PARG: variants seen among roughly 807,000 people sequenced by gnomAD.
PARG encodes the protein poly(ADP-ribose) glycohydrolase.
In PARG, 35 loss-of-function variants were observed where a neutral mutation model predicts 113.0. The ratio of observed to expected loss-of-function variants is 0.31; its 90% CI spans 0.24 to 0.41. PARG has a LOEUF of 0.41. Among genes scored for constraint, PARG ranks in the 10% least tolerant of loss-of-function variants. The pLI is 1.00. For missense variants in PARG, 797 were observed against 1,169.4 expected, an observed-to-expected ratio of 0.68 and a Z score of 4.64; for synonymous variants, 330 against 409.9, an observed-to-expected ratio of 0.81 and a Z score of 2.36.
chr10:49,918,372 G>A (rs1554848275), intron 6 of PARG, among the ~76,000 whole-genome samples: 2 of 152,128 alleles, frequency 1.3e-5, no homozygotes, highest in Non-Finnish European at 2.9e-5. Context: ...TTTATAATTA[G>A]CATTAAGCTT....
Position 49,933,539 on chromosome 10 carries a change from C to G in PARG, c.909G>C (p.Pro303=). 6.2e-7 allele frequency: 1 copy of G among 1,611,280 alleles called. No homozygotes were observed. Among genetic ancestry groups the G allele is most frequent in the Non-Finnish European group, 8.5e-7 (1 of 1,177,616 alleles). Residue 303 remains proline (P), a synonymous_variant, in exon 3 of 18, where the codon CCG becomes CCC. Coordinates refer to ENST00000616448, the MANE Select transcript of PARG (RefSeq NM_003631.5). ...PFEKESEPES[P]MDVDNSKNSC... The stretch of plus-strand genomic sequence containing the variant: ...TATTTTTAGAATTATCCACATCCAT[C>G]GGTGACTCGGGTTCACTTTCCTTCT...
chr10:49,842,002 C>A lies in PARG; in HGVS notation c.2489G>T (p.Arg830Ile), dbSNP rs1177193230. 2 of 1,550,280 alleles carry A rather than the reference C, an allele frequency of 1.3e-6. No individual in the cohort carries two copies. Among genetic ancestry groups the A allele is most frequent in the African/African-American group, 2.7e-5 (2 of 73,048 alleles). ...EIVAIDALHF[R>I]RYLDQFVPEK... Reference sequence around the variant, plus strand: ...AGGCACAAACTGATCGAGGTAGCGTCTGAAGTGAAGAGCATCGATGGCAAC... The same window carrying A: ...AGGCACAAACTGATCGAGGTAGCGTATGAAGTGAAGAGCATCGATGGCAAC... Residue 830 changes from arginine (R) to isoleucine (I), a missense_variant, in exon 15 of 18, where the codon AGA becomes ATA. Physicochemically the swap from Arg to Ile is moderately conservative, Grantham distance 97. Coordinates refer to ENST00000616448, the MANE Select transcript of PARG (RefSeq NM_003631.5).
intron 15 of PARG, among the ~76,000 whole-genome samples, chr10:49,837,095 T>A (rs1439558215): frequency 6.6e-6 from 1 of 152,082 alleles, no homozygotes; most frequent in Admixed American, 6.5e-5. Context: ...ACAGTATGAG[T>A]TAGATAGAAG....
At chr10:49,941,384 G>A (rs1215524740) in intron 1 of PARG, 125 bp downstream of exon 1, 7 of 834,456 alleles carry the variant, frequency 8.4e-6, no homozygotes, top group African/African-American at 6.7e-5. Context: ...AGCTCAGCAA[G>A]TGGACCTCAA....
intron 7 of PARG, among the ~76,000 whole-genome samples, chr10:49,895,032 G>T (rs1554842390): frequency 6.6e-6 from 1 of 152,070 alleles, no homozygotes; most frequent in African/African-American, 2.4e-5. Context: ...CTTTGTCTCT[G>T]TGTCCTTTCC....
At chr10:49,845,328 C>T (rs1427012927) in intron 13 of PARG, among the ~76,000 whole-genome samples, 1 of 152,150 alleles carries the variant, frequency 6.6e-6, no homozygotes, top group Non-Finnish European at 1.5e-5. Flanking sequence ...ATGTTCATAG[C>T]AGGTTTCCTT....
chr10:49,840,207 T>C (rs1396417247), intron 15 of PARG, among the ~76,000 whole-genome samples: 1 of 152,128 alleles, frequency 6.6e-6, no homozygotes, highest in East Asian at 1.9e-4. Context: ...CTGGGCAATA[T>C]GGTGAAACCC....
At chr10:49,919,573 C>T (rs1317129664) in intron 6 of PARG, among the ~76,000 whole-genome samples, 1 of 152,096 alleles carries the variant, frequency 6.6e-6, no homozygotes, top group Admixed American at 6.5e-5. Context: ...AATCCCAGTA[C>T]TTTGGGAGGC....
chr10:49,839,463 T>C (rs1487612615), intron 15 of PARG, among the ~76,000 whole-genome samples: 1 of 152,232 alleles, frequency 6.6e-6, no homozygotes, highest in Non-Finnish European at 1.5e-5. Context: ...GTTGCCAGGT[T>C]ACTTGAAGAC....
intron 7 of PARG, among the ~76,000 whole-genome samples, chr10:49,899,814 C>G (rs1848267456): frequency 6.6e-6 from 1 of 152,162 alleles, no homozygotes; most frequent in Non-Finnish European, 1.5e-5. Context: ...CCTCTTTAAA[C>G]AGCTATTAAG....
chr10:49,886,180 A>G (rs1346194908), intron 7 of PARG, among the ~76,000 whole-genome samples: 5 of 152,236 alleles, frequency 3.3e-5, no homozygotes, highest in Non-Finnish European at 7.3e-5. Context: ...ATTGAGGTCA[A>G]TTAAAACCAA....
chr10:49,828,088 T>TAAATAAA (rs1564594600), intron 16 of PARG, among the ~76,000 whole-genome samples: 1 of 5,054 alleles, frequency 2.0e-4, no homozygotes, highest in Non-Finnish European at 7.4e-4. Flanking sequence ...GTAGAAAGCT[T>TAAATAAA]AAACAAAAAA....
intron 7 of PARG, among the ~76,000 whole-genome samples, chr10:49,914,750 T>C (rs1299755564): frequency 5.3e-5 from 8 of 152,150 alleles, no homozygotes; most frequent in South Asian, 2.1e-4. Context: ...GATAGACATA[T>C]AGATCAGTGT....
chr10:49,882,396 C>T (rs2132637435), intron 8 of PARG, among the ~76,000 whole-genome samples: 1 of 151,234 alleles, frequency 6.6e-6, no homozygotes, highest in African/African-American at 2.4e-5. Context: ...ATTTAACTTG[C>T]CACAAGACGT....
At position 49,819,489 on chromosome 10, in the gene PARG, C is replaced by T; in HGVS notation, c.2782G>A (p.Val928Met). 1.9e-6 allele frequency: 3 copies of T among 1,550,884 alleles called. No individual in the cohort carries two copies. The highest frequency in any genetic ancestry group is 1.2e-5 in the South Asian group (1 of 84,012). ...TAGTATCGTAGCAACAGCTTATACA[C>T]ATCTCCTGGAGAGCAAAAGGTCAGA... ...LTERKLTVGD[V>M]YKLLLRYYNE... The change falls in exon 18 of 18, where the codon GTG becomes ATG. Residue 928 changes from valine to methionine, a missense_variant. Physicochemically the swap from Val to Met is conservative, Grantham distance 21. Around this residue, in one of 5 missense-constraint regions of PARG, gnomAD observed 194 missense variants for 247.1 expected, o/e 0.79. Transcript: ENST00000616448.
rs1554848982 is a variant in PARG, at chr10:49,920,528, A to ATG, written c.1662+1806_1662+1807dup. Among the ~76,000 whole-genome samples the ATG allele has an allele frequency of 4.3e-5, 6 of 138,704 alleles. No homozygotes were observed. In the South Asian group the frequency reaches 1.1e-3, roughly 26 times the overall value. 91.0% of individuals were successfully genotyped at this position (138,704 alleles called of 152,430 possible). ...CACACACACATATATATGTATATAC[A>ATG]TGTATATATATACACATATATATAC... On this transcript the variant is annotated intron_variant, in intron 6 of 17. Coordinates refer to ENST00000616448, the MANE Select transcript of PARG (RefSeq NM_003631.5).
chr10:49,922,029 A>C (rs1237846287), intron 6 of PARG, among the ~76,000 whole-genome samples: 2 of 152,220 alleles, frequency 1.3e-5, no homozygotes, highest in African/African-American at 4.8e-5. Context: ...TATTTCAGAA[A>C]CATGATAATT....
At chr10:49,919,096 G>A (rs1383099379) in intron 6 of PARG, among the ~76,000 whole-genome samples, 2 of 151,802 alleles carry the variant, frequency 1.3e-5, no homozygotes, top group African/African-American at 2.4e-5. Context: ...ACCCACCACC[G>A]TGCCCGGCTA....
chr10:49,912,203 G>A (rs1554846420), intron 7 of PARG, among the ~76,000 whole-genome samples: 1 of 152,080 alleles, frequency 6.6e-6, no homozygotes, highest in Non-Finnish European at 1.5e-5. Flanking sequence ...AGGAGGCTGA[G>A]GCACAAGAAT....
Sources: gnomAD v4.1 joint callset for allele counts (sites outside exome capture counted in the v4.1 genomes callset) on GRCh38, gnomAD v4.1.1 for gene constraint, gnomAD v4.1.1 regional missense constraint, MANE v1.5 for transcripts, NCBI Gene and HGNC (gene_info 2026-07-23, HGNC 2026-07-21) for gene names.